MSI2: variants seen among roughly 807,000 people sequenced by gnomAD.
The protein encoded by MSI2 is RNA-binding protein Musashi homolog 2.
A neutral mutation model predicts 45.6 loss-of-function variants in MSI2; 17 were observed. The ratio of observed to expected loss-of-function variants is 0.37; its 90% CI spans 0.26 to 0.56. The LOEUF is 0.56. Ranked by LOEUF, MSI2 falls within the 20% of genes least tolerant of loss-of-function variation. The pLI is 0.77. For missense variants in MSI2, 293 were observed against 444.2 expected, an observed-to-expected ratio of 0.66 and a Z score of 3.06; for synonymous variants, 156 against 158.2, an observed-to-expected ratio of 0.99 and a Z score of 0.11.
At chr17:57,341,732 A>G (rs1915181500) in intron 5 of MSI2, among the ~76,000 whole-genome samples, 1 of 152,126 alleles carries the variant, frequency 6.6e-6, no homozygotes. Flanking sequence ...TTTTTTGGAT[A>G]ACGGCAAAAT....
intron 6 of MSI2, among the ~76,000 whole-genome samples, chr17:57,489,314 C>G (rs552287090): frequency 3.0e-4 from 46 of 152,174 alleles, no homozygotes; most frequent in Middle Eastern, 3.4e-3. Flanking sequence ...CCTAAAGAGG[C>G]ATGTAGCAGC....
chr17:57,262,513 C>G (rs367869266), intron 5 of MSI2: 25 of 266,088 alleles, frequency 9.4e-5, no homozygotes, highest in African/African-American at 5.3e-4. Flanking sequence ...CAGGAAAAGT[C>G]GAACATTTCC....
At chr17:57,655,241 C>T (rs1911508012) in intron 11 of MSI2, among the ~76,000 whole-genome samples, 1 of 152,166 alleles carries the variant, frequency 6.6e-6, no homozygotes, top group African/African-American at 2.4e-5. Flanking sequence ...TTTCTTTTCC[C>T]TTCACCTGGT....
the MSI2 span, among the ~76,000 whole-genome samples, chr17:57,690,938 A>G: frequency 6.6e-6 from 1 of 151,592 alleles, no homozygotes; most frequent in African/African-American, 2.4e-5. Flanking sequence ...AAGTCTGCAC[A>G]GACCTAAGTC....
chr17:57,542,210 C>T lies in MSI2; in HGVS notation c.454+12486C>T, dbSNP rs372144897. 7.9e-5 allele frequency among the ~76,000 whole-genome samples: 12 copies of T among 152,260 alleles called. No individual in the cohort carries two copies. In the South Asian group the frequency reaches 1.7e-3, roughly 21 times the overall value. On this transcript the variant is annotated intron_variant, in intron 7 of 13. Coordinates refer to ENST00000284073, the MANE Select transcript of MSI2 (RefSeq NM_138962.4). The stretch of plus-strand genomic sequence containing the variant: ...AATGGTGGTGACCCAAGGAGTCCGT[C>T]GGAAATGTCTTCTTAGTGGAAGGTC...
chr17:57,646,822 C>T (rs370919485), intron 10 of MSI2, among the ~76,000 whole-genome samples: 29 of 147,544 alleles, frequency 2.0e-4, no homozygotes, highest in Middle Eastern at 3.2e-3. Flanking sequence ...CTTTTTTAGC[C>T]AGACATCCTC....
chr17:57,428,066 G>A lies in MSI2; in HGVS notation c.405+26595G>A, dbSNP rs535098886. ...GTGGGGAGAAAGTCAGCAAGAAAAC[G>A]TGAGCAAAGGAATGTTTGTATATCA... On this transcript the variant is annotated intron_variant, in intron 6 of 13. Coordinates refer to ENST00000284073, the MANE Select transcript of MSI2 (RefSeq NM_138962.4). Among the ~76,000 whole-genome samples, 4 of 152,300 alleles carry A rather than the reference G, an allele frequency of 2.6e-5. No homozygotes were observed. The East Asian group carries it at 5.8e-4, about 22-fold the overall frequency.
rs765039915 is a variant in MSI2, at chr17:57,648,132, CGTGTGTGTGTGT to C, written c.728-3928_728-3917del. 1.2e-3 allele frequency among the ~76,000 whole-genome samples: 137 copies of C among 116,244 alleles called. 1 individual carries two copies. Among genetic ancestry groups the C allele is most frequent in the African/African-American group, 3.0e-3 (90 of 30,114 alleles). 76.3% of individuals were successfully genotyped at this position (116,244 alleles called of 152,430 possible). A position where few individuals can be genotyped will look rare whatever the true frequency, so the allele number is the denominator to read the frequency against. On this transcript the variant is annotated intron_variant, in intron 10 of 13. Transcript: ENST00000284073. ...CATGCACCACCATGCCTGGCTAATT[CGTGTGTGTGTGT>C]GTGTGTGTGTGTGTGTGTGTGTGTG... is the stretch of plus-strand genomic sequence containing the variant.
At chr17:57,506,181 C>T (rs2086224394) in intron 6 of MSI2, among the ~76,000 whole-genome samples, 2 of 152,218 alleles carry the variant, frequency 1.3e-5, no homozygotes, top group African/African-American at 4.8e-5. Flanking sequence ...CAGGGCAGGA[C>T]CCTGATGGGC....
intron 7 of MSI2, among the ~76,000 whole-genome samples, chr17:57,540,612 G>C (rs569176421): frequency 6.6e-6 from 1 of 152,310 alleles, no homozygotes; most frequent in South Asian, 2.1e-4. Flanking sequence ...TTATAAGAAG[G>C]AACATGTGAA....
chr17:57,491,092 G>A (rs528201965), intron 6 of MSI2, among the ~76,000 whole-genome samples: 52 of 152,336 alleles, frequency 3.4e-4, no homozygotes, highest in Non-Finnish European at 5.9e-4. Context: ...GTGTCCTGGC[G>A]CTGGGATAAA....
chr17:57,510,400 G>GTTT (rs34773035), intron 6 of MSI2, among the ~76,000 whole-genome samples: 1 of 148,192 alleles, frequency 6.7e-6, no homozygotes. Flanking sequence ...CACTCCTCTT[G>GTTT]TTTTTTTTTT....
At chr17:57,671,298 A>C (rs1912754036) in intron 11 of MSI2, among the ~76,000 whole-genome samples, 1 of 152,236 alleles carries the variant, frequency 6.6e-6, no homozygotes, top group Non-Finnish European at 1.5e-5. Context: ...GACAGGAGTC[A>C]TAATATCCAA....
In MSI2 at chr17:57,326,083, G is replaced by A. The variant is rs539414642; in HGVS notation, c.312+63891G>A. ...GTGCCTTTTTAGCAAAACATTTCCC[G>A]TCACCCCCATTAGGTTGTTTGCTGC... On this transcript the variant is annotated intron_variant, in intron 5 of 13. Coordinates refer to ENST00000284073, the MANE Select transcript of MSI2 (RefSeq NM_138962.4). Among the ~76,000 whole-genome samples, 99 of 151,998 alleles carry A rather than the reference G, an allele frequency of 6.5e-4. 1 individual carries two copies. Among genetic ancestry groups the A allele is most frequent in the Non-Finnish European group, 1.1e-3 (72 of 68,006 alleles).
rs34718628 is a variant in MSI2 at position 57,268,538 on chromosome 17, T to TA, written c.312+6360dup. On this transcript the variant is annotated intron_variant, in intron 5 of 13. Transcript: ENST00000284073. ...GACACAAGCATATTTTACTAATAAT[T>TA]AAAAAAAAAAAAAACCCAGCCAGGT... 469 of 143,020 alleles carry TA rather than the reference T, an allele frequency of 3.3e-3. 2 individuals are homozygous for TA. Among genetic ancestry groups the TA allele is most frequent in the African/African-American group, 8.3e-3 (328 of 39,286 alleles). 8.9% of individuals were successfully genotyped at this position (143,020 alleles called of 1,614,324 possible).
chr17:57,431,912 C>G lies in MSI2; in HGVS notation c.405+30441C>G, dbSNP rs547157944. 7.2e-5 allele frequency among the ~76,000 whole-genome samples: 11 copies of G among 152,294 alleles called. No homozygotes were observed. The South Asian group carries it at 2.3e-3, about 32-fold the overall frequency. ...ACACCCCCTTGCAGCACAGACTCCA[C>G]CGGGCATTTGGCGGCGGTGTGGAAT... is the stretch of plus-strand genomic sequence containing the variant. On this transcript the variant is annotated intron_variant, in intron 6 of 13. Coordinates refer to ENST00000284073, the MANE Select transcript of MSI2 (RefSeq NM_138962.4).
intron 5 of MSI2, among the ~76,000 whole-genome samples, chr17:57,284,068 G>A (rs1238705653): frequency 1.3e-5 from 2 of 152,176 alleles, no homozygotes; most frequent in Non-Finnish European, 2.9e-5. Context: ...CTGATTTTCT[G>A]GATCGACACA....
rs4794738 is a variant in MSI2, at chr17:57,445,089, T to A, written c.405+43618T>A. Among the ~76,000 whole-genome samples the A allele has an allele frequency of 2.0e-5, 3 of 152,214 alleles. No homozygotes were observed. The South Asian group carries it at 6.2e-4, about 32-fold the overall frequency. ...TCCATGATGGATGTTTTCCCCAGGATGCACTGCCAGTGTCCCAAAGAGAGA... is the reference window on the plus strand; with the variant it reads ...TCCATGATGGATGTTTTCCCCAGGAAGCACTGCCAGTGTCCCAAAGAGAGA... On this transcript the variant is annotated intron_variant, in intron 6 of 13. Coordinates refer to ENST00000284073, the MANE Select transcript of MSI2 (RefSeq NM_138962.4).
chr17:57,402,389 C>T (rs1409977123), intron 6 of MSI2, among the ~76,000 whole-genome samples: 1 of 152,200 alleles, frequency 6.6e-6, no homozygotes, highest in African/African-American at 2.4e-5. Context: ...ACAGTCTCCT[C>T]CTGACAGGTT....
Sources: gnomAD v4.1 joint callset for allele counts (sites outside exome capture counted in the v4.1 genomes callset) on GRCh38, gnomAD v4.1.1 for gene constraint, MANE v1.5 for transcripts, NCBI Gene and HGNC (gene_info 2026-07-23, HGNC 2026-07-21) for gene names.